ZYG11B: variants seen among roughly 807,000 people sequenced by gnomAD.
ZYG11B encodes zyg-11 family member B, cell cycle regulator.
A neutral mutation model predicts 82.4 loss-of-function variants in ZYG11B; 36 were observed. That is an observed-to-expected ratio of 0.44 (90% CI 0.33 to 0.58). The LOEUF (loss-of-function observed/expected upper bound fraction) is 0.58. Among genes scored for constraint, ZYG11B ranks in the 20% least tolerant of loss-of-function variants. ZYG11B has a pLI of 0.02. For missense variants in ZYG11B, 552 were observed against 895.6 expected (o/e 0.62, Z 4.90); for synonymous variants, 303 against 312.8 (o/e 0.97, Z 0.33).
At chr1:52,816,780 C>CTTTTTTTTTTT (rs71044423) in intron 13 of ZYG11B, 151 bp downstream of exon 13, 1 of 229,282 alleles carries the variant, frequency 4.4e-6, no homozygotes, top group African/African-American at 4.3e-5. Flanking sequence ...TTAAGGTATT[C>CTTTTTTTTTTT]TTTTTTTTTT....
rs545172435 is a variant in ZYG11B, at chr1:52,802,101, A to G, written c.1657A>G (p.Thr553Ala). The change falls in exon 10 of 14, where the codon ACT (threonine) becomes GCT (alanine). Residue 553 changes from threonine (T) to alanine (A), a missense_variant. Around this residue, in one of 3 missense-constraint regions of ZYG11B, gnomAD observed 66 missense variants for 176.4 expected, o/e 0.37. Coordinates refer to ENST00000294353, the MANE Select transcript of ZYG11B (RefSeq NM_024646.3). ...LFMRVLESFP[T>A]ESSIQQKVLG... The stretch of plus-strand genomic sequence containing the variant: ...CTTTTTCTTTTTACAGTCTTTCCCA[A>G]CTGAGTCATCCATTCAGCAGAAAGT... 1.2e-6 allele frequency: 2 copies of G among 1,610,958 alleles called. No individual in the cohort carries two copies. The highest frequency in any genetic ancestry group is 4.5e-5 in the East Asian group (2 of 44,830).
intron 1 of ZYG11B, among the ~76,000 whole-genome samples, chr1:52,755,144 G>A (rs903661924): frequency 2.0e-5 from 3 of 151,788 alleles, no homozygotes; most frequent in Non-Finnish European, 4.4e-5. Flanking sequence ...TGTATTTTTA[G>A]TAGAGATGGG....
intron 5 of ZYG11B, among the ~76,000 whole-genome samples, chr1:52,788,745 A>AACAC (rs931845955): frequency 6.6e-6 from 1 of 152,132 alleles, no homozygotes; most frequent in Non-Finnish European, 1.5e-5. Flanking sequence ...CAAACAAACA[A>AACAC]ACAAAAACTA....
chr1:52,810,859 A>G (rs78878518), intron 10 of ZYG11B, among the ~76,000 whole-genome samples: 8,808 of 151,854 alleles, frequency 0.058, 606 homozygotes, highest in East Asian at 0.35. Context: ...ACATGGCGAA[A>G]CCCTGTATCT....
At chr1:52,751,193 T>A (rs1304020717) in intron 1 of ZYG11B, among the ~76,000 whole-genome samples, 1 of 151,816 alleles carries the variant, frequency 6.6e-6, no homozygotes, top group East Asian at 2.0e-4. Flanking sequence ...TTGCCCAGGC[T>A]GGTCTCGAAC....
At chr1:52,801,306 G>A (rs1037282905) in intron 8 of ZYG11B, among the ~76,000 whole-genome samples, 1 of 151,692 alleles carries the variant, frequency 6.6e-6, no homozygotes, top group African/African-American at 2.4e-5. Flanking sequence ...TTTTTCTTAA[G>A]GAAAACTTGG....
chr1:52,806,017 A>G (rs990632090), intron 10 of ZYG11B, among the ~76,000 whole-genome samples: 4 of 151,608 alleles, frequency 2.6e-5, no homozygotes, highest in Admixed American at 2.6e-4. Context: ...TAATATTAAT[A>G]TAACTTTATA....
chr1:52,794,302 CATTG>C (rs1213962860), intron 6 of ZYG11B, among the ~76,000 whole-genome samples: 1 of 152,022 alleles, frequency 6.6e-6, no homozygotes, highest in Non-Finnish European at 1.5e-5. Context: ...TGCAGGCACA[CATTG>C]ATTGGAAACT....
intron 1 of ZYG11B, among the ~76,000 whole-genome samples, chr1:52,738,460 C>T (rs927498206): frequency 2.0e-5 from 3 of 151,744 alleles, no homozygotes; most frequent in African/African-American, 4.8e-5. Context: ...AGATTACAGG[C>T]ATGAGCCACT....
chr1:52,797,516 TA>T (rs1264248266), intron 8 of ZYG11B, among the ~76,000 whole-genome samples: 34 of 99,994 alleles, frequency 3.4e-4, no homozygotes, highest in Non-Finnish European at 4.5e-4. Flanking sequence ...TATATATATA[TA>T]TTTTTTTTTA....
intron 3 of ZYG11B, among the ~76,000 whole-genome samples, chr1:52,776,229 A>AAAAAAAAAAAATATATATATAT: frequency 0.014 from 319 of 23,458 alleles, 17 homozygotes; most frequent in African/African-American, 0.025. Flanking sequence ...TAAAAAAAAA[A>AAAAAAAAAAAATATATATATAT]ATATATATAT....
chr1:52,815,987 T>A (rs748620083), intron 12 of ZYG11B, among the ~76,000 whole-genome samples: 5 of 152,194 alleles, frequency 3.3e-5, no homozygotes, highest in Non-Finnish European at 7.4e-5. Flanking sequence ...ACTGGATGCC[T>A]AACTCTGTTT....
At chr1:52,773,481 A>C (rs1284811198) in intron 3 of ZYG11B, among the ~76,000 whole-genome samples, 1 of 149,556 alleles carries the variant, frequency 6.7e-6, no homozygotes, top group Non-Finnish European at 1.5e-5. Context: ...CTCAGAAAAA[A>C]AAAAAAAAGA....
At position 52,771,784 on chromosome 1, in the gene ZYG11B, T is replaced by C; in HGVS notation, c.951+10T>C. ...CGAAGGACATTTGAAGGTTAGACTT[T>C]AAAAATGTATTATTTTGTCAGGCTG... On this transcript the variant is annotated intron_variant, in intron 3 of 13. Transcript: ENST00000294353. This position sits in a 1 kb window ranked among gnomAD's most constrained non-coding sequence, Gnocchi z 5.4. 3 of 1,594,350 alleles carry C rather than the reference T, an allele frequency of 1.9e-6. No individual in the cohort carries two copies. Among genetic ancestry groups the C allele is most frequent in the South Asian group, 2.3e-5 (2 of 88,750 alleles).
rs543944513 is a variant in ZYG11B, at chr1:52,785,967, A to G, written c.1269+914A>G. Among the ~76,000 whole-genome samples the G allele has an allele frequency of 2.3e-4, 35 of 152,278 alleles. No homozygotes were observed. In the South Asian group the frequency reaches 3.3e-3, roughly 14 times the overall value. On this transcript the variant is annotated intron_variant, in intron 5 of 13. Coordinates refer to ENST00000294353, the MANE Select transcript of ZYG11B (RefSeq NM_024646.3). Reference sequence around the variant, plus strand: ...GTCAGACAGAAGACTCCTAGCATAAACTATGACTTCCTCCCCAGAGATACA... The same window carrying G: ...GTCAGACAGAAGACTCCTAGCATAAGCTATGACTTCCTCCCCAGAGATACA...
chr1:52,794,120 G>A lies in ZYG11B; in HGVS notation c.1335-2172G>A, dbSNP rs182777141. On this transcript the variant is annotated intron_variant, in intron 6 of 13. Coordinates refer to ENST00000294353, the MANE Select transcript of ZYG11B (RefSeq NM_024646.3). ...CTCCCGAGTAGCTGAGACTATAGGC[G>A]CGCACCACCACACCCAGCTAATTTT... Among the ~76,000 whole-genome samples the A allele has an allele frequency of 4.5e-3, 686 of 151,880 alleles. 2 individuals carry two copies. The highest frequency in any genetic ancestry group is 0.016 in the African/African-American group (658 of 41,396).
At chr1:52,739,896 C>T (rs770288442) in intron 1 of ZYG11B, among the ~76,000 whole-genome samples, 1 of 152,182 alleles carries the variant, frequency 6.6e-6, no homozygotes, top group Non-Finnish European at 1.5e-5. Context: ...ATGAGCCACG[C>T]TCCTGGCCCT....
chr1:52,730,212 A>C (rs1321398763), intron 1 of ZYG11B, among the ~76,000 whole-genome samples: 3 of 152,166 alleles, frequency 2.0e-5, no homozygotes, highest in African/African-American at 7.2e-5. Context: ...TAATCTAATA[A>C]TGTTTTTGGA....
chr1:52,789,907 G>GTCT, intron 5 of ZYG11B, 96 bp from the exon 6 acceptor site: 1 of 841,876 alleles, frequency 1.2e-6, no homozygotes, highest in African/African-American at 1.9e-5. Context: ...TGTTTCATCA[G>GTCT]TCTTCTTCTT....
Sources: gnomAD v4.1 joint callset for allele counts (sites outside exome capture counted in the v4.1 genomes callset) on GRCh38, gnomAD v4.1.1 for gene constraint, gnomAD v4.1.1 regional missense constraint, Gnocchi (gnomAD v3.1) non-coding constraint, MANE v1.5 for transcripts, NCBI Gene and HGNC (gene_info 2026-07-23, HGNC 2026-07-21) for gene names.